Variants in TBRG4 observed in about 807,000 individuals in gnomAD.
TBRG4 encodes transforming growth factor beta regulator 4, also known as FAST kinase domain-containing protein 4.
In TBRG4, 43 loss-of-function variants were observed where a neutral mutation model predicts 65.6. The ratio of observed to expected loss-of-function variants is 0.66; its 90% CI spans 0.51 to 0.85. The LOEUF (loss-of-function observed/expected upper bound fraction) is 0.85, where lower values mean the gene tolerates loss of function less well. Ranked by LOEUF, TBRG4 falls within the 40% of genes least tolerant of loss-of-function variation. The pLI is 0.00. For synonymous variants in TBRG4, 366 were observed against 341.4 expected, an observed-to-expected ratio of 1.07 and a Z score of -0.79; for missense variants, 709 against 787.9, an observed-to-expected ratio of 0.90 and a Z score of 1.20.
In TBRG4 at chr7:45,100,327, A is replaced by G. The variant is rs770472956; in HGVS notation, c.1894T>C (p.Ter632ArgextTer53). Residue 632 changes from the stop codon to arginine, a stop_lost, in exon 11 of 11, where the codon TGA becomes CGA. Transcript: ENST00000258770. ...RKAVAEELAK[*>R] ...GCAGTCCATGCTGCTGGCACAAGTCACTTGGCCAGCTCCTCAGCCACCGCT... is the reference window on the plus strand; with the variant it reads ...GCAGTCCATGCTGCTGGCACAAGTCGCTTGGCCAGCTCCTCAGCCACCGCT... 6.2e-7 allele frequency: 1 copy of G among 1,613,862 alleles called. No individual in the cohort carries two copies. Among genetic ancestry groups the G allele is most frequent in the Admixed American group, 1.7e-5 (1 of 60,016 alleles).
chr7:45,110,523 C>T (rs1280790368), intron 1 of TBRG4, among the ~76,000 whole-genome samples: 1 of 151,614 alleles, frequency 6.6e-6, no homozygotes, highest in East Asian at 1.9e-4. Flanking sequence ...AAAAATTAGC[C>T]GGGCGTGGTG....
Position 45,101,515 on chromosome 7 carries a change from G to A in TBRG4, c.1667C>T (p.Pro556Leu). The A allele has an allele frequency of 6.2e-7, 1 of 1,613,614 alleles. No homozygotes were observed. Among genetic ancestry groups the A allele is most frequent in the Non-Finnish European group, 8.5e-7 (1 of 1,179,832 alleles). The change falls in exon 9 of 11, where the codon CCA (proline) becomes CTA (leucine). Residue 556 changes from proline (P) to leucine (L), a missense_variant. By Grantham distance (98) the Pro-to-Leu change is moderately conservative. Transcript: ENST00000258770. ...AQPTGSQSPP[P>L]GSKRLAFLRW... ...CCTGGCCACCTACCTCTTAGACCCT[G>A]GAGGTGGTGACTGGCTCCCAGTTGG...
intron 1 of TBRG4, chr7:45,110,635 T>C (rs574173444): frequency 5.4e-5 from 8 of 147,992 alleles, no homozygotes; most frequent in African/African-American, 2.0e-4. Context: ...AGCGAGACTC[T>C]GTCACAAAAA....
At position 45,102,084 on chromosome 7, in the gene TBRG4, A is replaced by AGAAAGAAGAGGGAGGTG. The variant is rs765685343; in HGVS notation, c.1322-31_1322-15dup. The AGAAAGAAGAGGGAGGTG allele has an allele frequency of 6.4e-7, 1 of 1,566,582 alleles. No homozygotes were observed. The highest frequency in any genetic ancestry group is 1.4e-5 in the African/African-American group (1 of 72,400). Reference sequence around the variant, plus strand: ...GAGACTTGCCCCCTAGGAGACAAGGAGAAAGAAGAGGGAGGTGGGCCTACG... The same window carrying AGAAAGAAGAGGGAGGTG: ...GAGACTTGCCCCCTAGGAGACAAGGAGAAAGAAGAGGGAGGTGGAAAGAAGAGGGAGGTGGGCCTACG... On this transcript the variant is annotated splice_polypyrimidine_tract_variant and intron_variant, in intron 7 of 10. Coordinates refer to ENST00000258770, the MANE Select transcript of TBRG4 (RefSeq NM_004749.4).
At chr7:45,103,936 C>G in intron 5 of TBRG4, 163 bp downstream of exon 5, 6 of 979,644 alleles carry the variant, frequency 6.1e-6, no homozygotes, top group Non-Finnish European at 7.3e-6. Context: ...TTTTTGAGAA[C>G]TGAATAGCAG....
intron 10 of TBRG4, 143 bp downstream of exon 10, chr7:45,101,115 C>A (rs1784749611): frequency 8.6e-6 from 6 of 701,578 alleles, no homozygotes; most frequent in Non-Finnish European, 1.4e-5. Context: ...ACAGTAAACT[C>A]CCTCCCTGGG....
In TBRG4 at chr7:45,100,379, G is replaced by C; in HGVS notation, c.1842C>G (p.Gly614=). The C allele has an allele frequency of 6.2e-7, 1 of 1,614,198 alleles. No homozygotes were observed. Among genetic ancestry groups the C allele is most frequent in the South Asian group, 1.1e-5 (1 of 91,080 alleles). The part of the protein sequence containing the change: ...WLELKSEWQK[G]AYLKDKMRKA... ...TGCGCATCTTGTCCTTGAGGTAGGCGCCTTTCTGCCATTCAGACTTGAGTT... is the reference window on the plus strand; with the variant it reads ...TGCGCATCTTGTCCTTGAGGTAGGCCCCTTTCTGCCATTCAGACTTGAGTT... Residue 614 remains glycine, a synonymous_variant, in exon 11 of 11, where the codon GGC becomes GGG. Transcript: ENST00000258770.
At chr7:45,108,753 T>C in intron 2 of TBRG4, 74 bp downstream of exon 2, 1 of 1,291,236 alleles carries the variant, frequency 7.7e-7, no homozygotes, top group Non-Finnish European at 1.0e-6. Context: ...TGGTAAGCAC[T>C]GGCTGCTGTG....
chr7:45,103,494 C>CAGCCCGG (rs3070697), intron 5 of TBRG4, 51 bp from the exon 6 acceptor site: 3 of 1,454,410 alleles, frequency 2.1e-6, no homozygotes, highest in Non-Finnish European at 2.8e-6. Flanking sequence ...CTGCCCAGCA[C>CAGCCCGG]GCTGTCCTCC....
At chr7:45,109,612 T>C (rs897223372) in intron 1 of TBRG4, among the ~76,000 whole-genome samples, 1 of 152,196 alleles carries the variant, frequency 6.6e-6, no homozygotes, top group African/African-American at 2.4e-5. Flanking sequence ...AATGATGGCA[T>C]CTCTGCAGAC....
Position 45,109,155 on chromosome 7 carries a change from C to G in TBRG4, c.83G>C (p.Arg28Pro). 6 of 1,614,072 alleles carry G rather than the reference C, an allele frequency of 3.7e-6. No individual in the cohort carries two copies. Among genetic ancestry groups the G allele is most frequent in the Non-Finnish European group, 5.1e-6 (6 of 1,179,960 alleles). The change falls in exon 2 of 11, where the codon CGA becomes CCA. Residue 28 changes from arginine to proline, a missense_variant. Coordinates refer to ENST00000258770, the MANE Select transcript of TBRG4 (RefSeq NM_004749.4). The part of the protein sequence containing the change: ...RQAPAMAPVG[R>P]LRLAWVAHKT... ...ATGGGCTACCCAGGCAAGTCTCAGT[C>G]GGCCAACTGGAGCCATGGCAGGGGC...
In TBRG4 at chr7:45,104,606, G is replaced by A. The variant is rs11541070; in HGVS notation, c.839C>T (p.Ser280Phe). 6.2e-7 allele frequency: 1 copy of A among 1,613,956 alleles called. No homozygotes were observed. Among genetic ancestry groups the A allele is most frequent in the East Asian group, 2.2e-5 (1 of 44,890 alleles). The change falls in exon 4 of 11, where the codon TCC (serine) becomes TTC (phenylalanine). Residue 280 changes from serine (S) to phenylalanine (F), a missense_variant. By Grantham distance (155) the Ser-to-Phe change is radical (BLOSUM62 -2). Transcript: ENST00000258770. ...GAAGGGCTTCTGCACCAGGTGGTAG[G>A]AGATGGCCCGCAGCAAGGGCACGGA... is the stretch of plus-strand genomic sequence containing the variant. The part of the protein sequence containing the change: ...RRSVPLLRAI[S>F]YHLVQKPFSL...
chr7:45,102,633 C>A, intron 6 of TBRG4, 142 bp from the exon 7 acceptor site: 3 of 1,193,518 alleles, frequency 2.5e-6, no homozygotes, highest in South Asian at 1.5e-5. Flanking sequence ...AGAGGCAGAA[C>A]CCTGGCCCTT....
At chr7:45,110,939 T>G (rs1326622567) in intron 1 of TBRG4, 1 of 152,030 alleles carries the variant, frequency 6.6e-6, no homozygotes, top group Admixed American at 6.5e-5. Context: ...AAACGCAACA[T>G]CTACCACTTC....
At chr7:45,107,926 C>T (rs556912943) in intron 2 of TBRG4, 1 of 152,358 alleles carries the variant, frequency 6.6e-6, no homozygotes, top group South Asian at 2.1e-4. Context: ...ACAACACAGG[C>T]ATATATATAC....
In TBRG4 at chr7:45,109,252, C is replaced by T; in HGVS notation, c.-15G>A. Reference sequence around the variant, plus strand: ...TGAGCTGCCATGATGTCCTGGGTGGCAGAGAGACAAGACTCCTAGCAAGTG... The same window carrying T: ...TGAGCTGCCATGATGTCCTGGGTGGTAGAGAGACAAGACTCCTAGCAAGTG... On this transcript the variant is annotated 5_prime_UTR_variant, in exon 2 of 11. Coordinates refer to ENST00000258770, the MANE Select transcript of TBRG4 (RefSeq NM_004749.4). 6.4e-7 allele frequency: 1 copy of T among 1,558,666 alleles called. No homozygotes were observed.
At position 45,109,232 on chromosome 7, in the gene TBRG4, T is replaced by C. The variant is rs564164278; in HGVS notation, c.6A>G (p.Ala2=). 24 of 1,588,946 alleles carry C rather than the reference T, an allele frequency of 1.5e-5. No homozygotes were observed. The South Asian group carries it at 2.8e-4, about 18-fold the overall frequency. M[A]AHLVKRCTCL... is the part of the protein sequence containing the mutation. ...ACGTGCATCGCTTTACCAGGTGAGC[T>C]GCCATGATGTCCTGGGTGGCAGAGA... The change falls in exon 2 of 11, where the codon GCA becomes GCG. Residue 2 remains alanine (A), a synonymous_variant. Coordinates refer to ENST00000258770, the MANE Select transcript of TBRG4 (RefSeq NM_004749.4).
Position 45,111,461 on chromosome 7 carries a change from A to G in TBRG4, c.-51+182T>C, listed in dbSNP as rs1306766700. 16 of 645,620 alleles carry G rather than the reference A, an allele frequency of 2.5e-5. No individual in the cohort carries two copies. The South Asian group carries it at 2.5e-4, about 10-fold the overall frequency. The allele number at this position is 645,620 out of a possible 1,614,324, so 40.0% of individuals were successfully genotyped here. On this transcript the variant is annotated intron_variant, in intron 1 of 10. Transcript: ENST00000258770. ...TTCCAGGCCTGGCCGCGCGGGCTAG[A>G]GAGGAAGCGTGCGCACTGGCAAGCC... is the stretch of plus-strand genomic sequence containing the variant.
At chr7:45,103,667 G>A (rs1459444775) in intron 5 of TBRG4, 10 of 567,996 alleles carry the variant, frequency 1.8e-5, no homozygotes, top group Non-Finnish European at 3.1e-5. Flanking sequence ...ACACCTAGAA[G>A]CTGCTTCTTT....
Sources: gnomAD v4.1 joint callset for allele counts (sites outside exome capture counted in the v4.1 genomes callset) on GRCh38, gnomAD v4.1.1 for gene constraint, MANE v1.5 for transcripts, NCBI Gene and HGNC (gene_info 2026-07-23, HGNC 2026-07-21) for gene names.